ZDHHC13: variants seen among roughly 807,000 people sequenced by gnomAD.
The protein encoded by ZDHHC13 is palmitoyltransferase ZDHHC13.
Under a neutral mutation model 86.0 loss-of-function variants are expected in ZDHHC13, and 85 were observed. The ratio of observed to expected loss-of-function variants is 0.99; its 90% confidence interval spans 0.83 to 1.18. ZDHHC13 has a LOEUF of 1.18. ZDHHC13 is among the 50% of genes most tolerant of loss of function. ZDHHC13 has a pLI of 0.00. For synonymous variants in ZDHHC13, 263 were observed against 246.4 expected, an observed-to-expected ratio of 1.07 and a Z score of -0.63; for missense variants, 711 against 730.2, an observed-to-expected ratio of 0.97 and a Z score of 0.30.
chr11:19,140,394 A>G (rs902785820), intron 1 of ZDHHC13, among the ~76,000 whole-genome samples: 9 of 152,202 alleles, frequency 5.9e-5, no homozygotes, highest in African/African-American at 9.7e-5. Context: ...TAGAATGGCA[A>G]TCCTTAAAAA....
At chr11:19,137,441 G>C (rs1849174675) in intron 1 of ZDHHC13, among the ~76,000 whole-genome samples, 1 of 151,984 alleles carries the variant, frequency 6.6e-6, no homozygotes, top group Admixed American at 6.6e-5. Flanking sequence ...CCTACAAAGA[G>C]ACTTAGACTC....
chr11:19,117,191 C>A lies in ZDHHC13; in HGVS notation c.-59C>A. ...GAAGAGGCGACCCAAGGCGGGCTGG[C>A]GGGCTGGCGGCAGTCGCTACTTGCC... On this transcript the variant is annotated 5_prime_UTR_variant, in exon 1 of 17. Transcript: ENST00000446113. The surrounding 1 kb of genome is among the most constrained non-coding windows in gnomAD (Gnocchi z 4.2). The A allele has an allele frequency of 6.6e-7, 1 of 1,523,332 alleles. No homozygotes were observed. Among genetic ancestry groups the A allele is most frequent in the Non-Finnish European group, 8.8e-7 (1 of 1,136,830 alleles). The allele number at this position is 1,523,332 out of a possible 1,614,324, so 94.4% of individuals were successfully genotyped here.
At chr11:19,153,052 A>T (rs147437886) in intron 8 of ZDHHC13, among the ~76,000 whole-genome samples, 3 of 152,202 alleles carry the variant, frequency 2.0e-5, no homozygotes, top group African/African-American at 7.2e-5. Context: ...ATTCCTTACT[A>T]AAATTTTATT....
At chr11:19,130,186 TA>T (rs1466722243) in intron 1 of ZDHHC13, among the ~76,000 whole-genome samples, 2 of 152,210 alleles carry the variant, frequency 1.3e-5, no homozygotes, top group Non-Finnish European at 2.9e-5. Context: ...AATTAAGTTA[TA>T]GGGGTCTGAA....
chr11:19,142,246 A>G (rs543017718), intron 1 of ZDHHC13, among the ~76,000 whole-genome samples: 2 of 152,248 alleles, frequency 1.3e-5, no homozygotes, highest in Admixed American at 6.5e-5. Context: ...GACTGTTTTC[A>G]CTCCTGAAGA....
rs1168244085 is a variant in ZDHHC13, at chr11:19,163,325, T to G, written c.1131T>G (p.Tyr377Ter). ...AACATTTAGCAGGAGCCCCTTTCTA[T>G]TTCAGTTTCATTTTCAGCATAGTAG... Reference protein sequence around the residue: ...FFPDLAGAPFYFSFIFSIVAF... With the variant: ...FFPDLAGAPF The change falls in exon 11 of 17, where the codon TAT becomes TAG. Residue 377 changes from tyrosine to a stop codon, truncating the protein, a stop_gained. Coordinates refer to ENST00000446113, the MANE Select transcript of ZDHHC13 (RefSeq NM_019028.3). LOFTEE classifies it high-confidence loss of function. 1.9e-6 allele frequency: 3 copies of G among 1,595,802 alleles called. No individual in the cohort carries two copies. The South Asian group carries it at 3.4e-5, about 18-fold the overall frequency.
chr11:19,125,099 A>G (rs183412907), intron 1 of ZDHHC13, among the ~76,000 whole-genome samples: 307 of 152,350 alleles, frequency 2.0e-3, no homozygotes, highest in African/African-American at 7.2e-3. Flanking sequence ...AGCACAATCC[A>G]TAAAAGAACA....
At chr11:19,131,120 G>A (rs541367950) in intron 1 of ZDHHC13, among the ~76,000 whole-genome samples, 2 of 152,120 alleles carry the variant, frequency 1.3e-5, no homozygotes, top group Admixed American at 6.5e-5. Flanking sequence ...CCGGCTTCAC[G>A]CCATTCTCCT....
chr11:19,138,694 A>C (rs1399316258), intron 1 of ZDHHC13, among the ~76,000 whole-genome samples: 1 of 151,046 alleles, frequency 6.6e-6, no homozygotes, highest in Non-Finnish European at 1.5e-5. Flanking sequence ...ATCCAGCAGC[A>C]CATCAAAAAG....
At chr11:19,150,818 T>C (rs372411751) in intron 6 of ZDHHC13, 27 bp downstream of exon 6, 137 of 1,592,400 alleles carry the variant, frequency 8.6e-5, no homozygotes, top group Non-Finnish European at 1.1e-4. Context: ...CCACTCAATC[T>C]CATTCTTGGT....
At chr11:19,118,287 TG>T (rs1017663884) in intron 1 of ZDHHC13, among the ~76,000 whole-genome samples, 1 of 152,128 alleles carries the variant, frequency 6.6e-6, no homozygotes, top group Non-Finnish European at 1.5e-5. Flanking sequence ...GTCCCGAGAG[TG>T]TTCCTCATGC....
At chr11:19,162,424 C>G (rs1391545516) in intron 10 of ZDHHC13, among the ~76,000 whole-genome samples, 1 of 151,944 alleles carries the variant, frequency 6.6e-6, no homozygotes, top group African/African-American at 2.4e-5. Context: ...ATGATTCTCT[C>G]CAGGGAATCA....
chr11:19,170,176 C>T, intron 14 of ZDHHC13: 5 of 1,309,650 alleles, frequency 3.8e-6, no homozygotes, highest in South Asian at 2.2e-5. Context: ...TTCTTTATTC[C>T]TTCACTGTTA....
At chr11:19,149,534 C>T (rs933770350) in intron 5 of ZDHHC13, among the ~76,000 whole-genome samples, 5 of 152,138 alleles carry the variant, frequency 3.3e-5, no homozygotes, top group Admixed American at 6.5e-5. Flanking sequence ...AGCTCAGTAA[C>T]GTATAATAGA....
chr11:19,171,719 C>G (rs886310240), intron 15 of ZDHHC13, among the ~76,000 whole-genome samples: 1 of 152,012 alleles, frequency 6.6e-6, no homozygotes, highest in African/African-American at 2.4e-5. Flanking sequence ...AGAATAAGTA[C>G]AAGTATATGA....
At chr11:19,123,477 TATCTACA>T (rs1450774721) in intron 1 of ZDHHC13, among the ~76,000 whole-genome samples, 5 of 151,684 alleles carry the variant, frequency 3.3e-5, no homozygotes, top group Non-Finnish European at 7.4e-5. Flanking sequence ...TAACGAGACC[TATCTACA>T]GAAGAATAAA....
rs148798293 is a variant in ZDHHC13 at position 19,129,545 on chromosome 11, T to A, written c.27+12269T>A. 6.8e-3 allele frequency among the ~76,000 whole-genome samples: 1,040 copies of A among 152,278 alleles called. 9 individuals carry two copies. Among genetic ancestry groups the A allele is most frequent in the African/African-American group, 0.024 (982 of 41,576 alleles). ...TGATGAATATATATTTTTTACTGTT[T>A]TATATTTGAATATATATTTTATTCT... On this transcript the variant is annotated intron_variant, in intron 1 of 16. Transcript: ENST00000446113.
chr11:19,142,848 A>T, intron 1 of ZDHHC13, 130 bp from the exon 2 acceptor site: 2 of 1,008,912 alleles, frequency 2.0e-6, no homozygotes, highest in South Asian at 2.4e-5. Flanking sequence ...CATTCTCAGG[A>T]TACACTTCTA....
intron 11 of ZDHHC13, among the ~76,000 whole-genome samples, chr11:19,163,938 T>C (rs1849983375): frequency 6.6e-6 from 1 of 152,222 alleles, no homozygotes; most frequent in African/African-American, 2.4e-5. Flanking sequence ...CCTTGGTGCT[T>C]GTAACTTTCA....
Sources: gnomAD v4.1 joint callset for allele counts (sites outside exome capture counted in the v4.1 genomes callset) on GRCh38, gnomAD v4.1.1 for gene constraint, Gnocchi (gnomAD v3.1) non-coding constraint, MANE v1.5 for transcripts, NCBI Gene and HGNC (gene_info 2026-07-23, HGNC 2026-07-21) for gene names.